The following AUTS2 variants were observed in gnomAD, a reference collection of about 807,000 sequenced individuals.
AUTS2 encodes the protein activator of transcription and developmental regulator AUTS2, also known as autism susceptibility gene 2 protein.
AUTS2 carries 17 observed loss-of-function variants against 112.4 expected under a neutral mutation model. That is an observed-to-expected ratio of 0.15 (90% confidence interval 0.10 to 0.23). The LOEUF is 0.23. Ranked by LOEUF, AUTS2 falls within the 10% of genes least tolerant of loss-of-function variation. AUTS2 has a pLI of 1.00. For missense variants in AUTS2, 1,510 were observed against 1,701.6 expected (o/e 0.89, Z 1.98); for synonymous variants, 751 against 702.7 (o/e 1.07, Z -1.09).
At chr7:69,791,420 TTATA>T (rs1427819550) in intron 1 of AUTS2, among the ~76,000 whole-genome samples, 14 of 152,312 alleles carry the variant, frequency 9.2e-5, no homozygotes, top group Admixed American at 2.0e-4. Context: ...AGCACAGTAA[TTATA>T]TTTAAGTATC....
chr7:70,382,574 C>CCA (rs1445183707), intron 4 of AUTS2, among the ~76,000 whole-genome samples: 1 of 152,194 alleles, frequency 6.6e-6, no homozygotes, highest in Non-Finnish European at 1.5e-5. Context: ...TGTACCTACT[C>CCA]CAGCTGAAGT....
intron 15 of AUTS2, chr7:70,783,482 C>T (rs1244173022): frequency 3.3e-5 from 5 of 152,170 alleles, no homozygotes; most frequent in South Asian, 2.1e-4. Context: ...TAGACAGCAA[C>T]AACCCCTACG....
At chr7:69,788,494 A>C (rs1789475053) in intron 1 of AUTS2, among the ~76,000 whole-genome samples, 1 of 152,168 alleles carries the variant, frequency 6.6e-6, no homozygotes, top group African/African-American at 2.4e-5. Flanking sequence ...AATCTAAAGA[A>C]ACTTTATGCA....
chr7:69,918,524 T>G (rs1321886631), intron 2 of AUTS2, among the ~76,000 whole-genome samples: 3 of 152,240 alleles, frequency 2.0e-5, no homozygotes, highest in Non-Finnish European at 4.4e-5. Context: ...ACTTTGTCAT[T>G]CTGCTAAGTT....
chr7:70,591,757 C>A (rs1802961247), intron 5 of AUTS2, among the ~76,000 whole-genome samples: 1 of 152,182 alleles, frequency 6.6e-6, no homozygotes, highest in South Asian at 2.1e-4. Flanking sequence ...CTGCAACATA[C>A]TTTGTAGTCT....
At chr7:70,479,099 A>C (rs1430318052) in intron 5 of AUTS2, among the ~76,000 whole-genome samples, 1 of 152,168 alleles carries the variant, frequency 6.6e-6, no homozygotes, top group Non-Finnish European at 1.5e-5. Context: ...ATGATGAAAA[A>C]ATAGTACCTT....
intron 2 of AUTS2, among the ~76,000 whole-genome samples, chr7:70,026,056 C>G (rs991509104): frequency 2.6e-5 from 4 of 152,122 alleles, no homozygotes; most frequent in African/African-American, 9.7e-5. Context: ...GCTGCCAGAC[C>G]CCTTAATGTG....
chr7:69,915,314 C>T lies in AUTS2; in HGVS notation c.522+15816C>T, dbSNP rs1795533122. On this transcript the variant is annotated intron_variant, in intron 2 of 18. Coordinates refer to ENST00000342771, the MANE Select transcript of AUTS2 (RefSeq NM_015570.4). ...TGCATTATTCTACCGAAAGCATCGG[C>T]AAATGTTGGAAATAGTATTTTGTGT... Among the ~76,000 whole-genome samples, 4 of 152,178 alleles carry T rather than the reference C, an allele frequency of 2.6e-5. No individual in the cohort carries two copies. In the South Asian group the frequency reaches 8.3e-4, roughly 32 times the overall value.
rs1160621180 is a variant in AUTS2, at chr7:70,631,142, C to A, written c.691-67427C>A. On this transcript the variant is annotated intron_variant, in intron 5 of 18. Coordinates refer to ENST00000342771, the MANE Select transcript of AUTS2 (RefSeq NM_015570.4). The surrounding 1 kb of genome is among the most constrained non-coding windows in gnomAD (Gnocchi z 4.5). ...CGCTCTGGCCCCTCGCCGCGCCATT[C>A]CTGATGACAAACTGCCAGCCAGCTC... is the stretch of plus-strand genomic sequence containing the variant. Among the ~76,000 whole-genome samples, 1 of 152,208 alleles carries A rather than the reference C, an allele frequency of 6.6e-6. No individual in the cohort carries two copies. The highest frequency in any genetic ancestry group is 1.5e-5 in the Non-Finnish European group (1 of 68,048).
intron 5 of AUTS2, among the ~76,000 whole-genome samples, chr7:70,634,557 G>A (rs957965668): frequency 2.0e-5 from 3 of 152,122 alleles, no homozygotes; most frequent in African/African-American, 7.2e-5. Context: ...TGTTGGCCTG[G>A]CTCCGTCACC....
chr7:70,229,728 G>T (rs551144088), intron 4 of AUTS2, among the ~76,000 whole-genome samples: 1 of 151,814 alleles, frequency 6.6e-6, no homozygotes, highest in Admixed American at 6.6e-5. Context: ...TGTGCTACAG[G>T]TCTGTTATGT....
intron 5 of AUTS2, among the ~76,000 whole-genome samples, chr7:70,568,531 T>TG (rs771498257): frequency 2.0e-5 from 3 of 151,994 alleles, no homozygotes; most frequent in Non-Finnish European, 2.9e-5. Flanking sequence ...GGATGCACTT[T>TG]GGGGGAAAAA....
chr7:70,708,284 G>T (rs1442513211), intron 6 of AUTS2, among the ~76,000 whole-genome samples: 4 of 152,204 alleles, frequency 2.6e-5, no homozygotes, highest in Admixed American at 1.3e-4. Flanking sequence ...GACCTCTTGG[G>T]CTTCTGTGAA....
chr7:70,447,782 A>T (rs1386205305), intron 5 of AUTS2, among the ~76,000 whole-genome samples: 2 of 152,252 alleles, frequency 1.3e-5, no homozygotes, highest in African/African-American at 4.8e-5. Flanking sequence ...CCAACAAAAT[A>T]TCACTCAAAG....
chr7:70,363,471 A>AG (rs1383238028), intron 4 of AUTS2, among the ~76,000 whole-genome samples: 3 of 151,516 alleles, frequency 2.0e-5, no homozygotes, highest in Non-Finnish European at 2.9e-5. Flanking sequence ...AAAAGAAAAA[A>AG]AAAAAAAAAA....
intron 6 of AUTS2, among the ~76,000 whole-genome samples, chr7:70,757,311 T>G (rs960349563): frequency 2.0e-5 from 3 of 152,196 alleles, no homozygotes; most frequent in African/African-American, 7.2e-5. Context: ...GGTTGTGGTT[T>G]TTCTTTATTT....
chr7:69,702,144 C>T (rs1797842782), intron 1 of AUTS2, among the ~76,000 whole-genome samples: 1 of 152,118 alleles, frequency 6.6e-6, no homozygotes, highest in South Asian at 2.1e-4. Flanking sequence ...TAGACAGTTC[C>T]CCTTGGATGC....
At chr7:69,911,321 C>A (rs1284123797) in intron 2 of AUTS2, among the ~76,000 whole-genome samples, 1 of 152,186 alleles carries the variant, frequency 6.6e-6, no homozygotes, top group Non-Finnish European at 1.5e-5. Context: ...ACCACAGAGC[C>A]CCAAAGAGGG....
intron 4 of AUTS2, among the ~76,000 whole-genome samples, chr7:70,403,079 G>A (rs1257415636): frequency 1.3e-5 from 2 of 152,172 alleles, no homozygotes; most frequent in Non-Finnish European, 2.9e-5. Flanking sequence ...GACTTTTTGA[G>A]TGGGCCTGGA....
Sources: gnomAD v4.1 joint callset for allele counts (sites outside exome capture counted in the v4.1 genomes callset) on GRCh38, gnomAD v4.1.1 for gene constraint, Gnocchi (gnomAD v3.1) non-coding constraint, MANE v1.5 for transcripts, NCBI Gene and HGNC (gene_info 2026-07-23, HGNC 2026-07-21) for gene names.